The following SLCO2A1 variants were observed in gnomAD, a reference collection of about 807,000 sequenced individuals.
SLCO2A1 encodes the protein matrin F/G 1.
A neutral mutation model predicts 71.7 loss-of-function variants in SLCO2A1; 60 were observed. The ratio of observed to expected loss-of-function variants is 0.84; its 90% CI spans 0.68 to 1.04. The LOEUF is 1.04. SLCO2A1 is among the 50% of genes least tolerant of loss of function. The probability of loss-of-function intolerance (pLI) is 0.00; values close to 1 mark genes in which losing one functional copy is unlikely to be tolerated. For missense variants in SLCO2A1, 745 were observed against 813.4 expected (o/e 0.92, Z 1.02); for synonymous variants, 308 against 326.7 (o/e 0.94, Z 0.62).
chr3:133,979,160 CCA>C (rs1934526296), intron 2 of SLCO2A1, among the ~76,000 whole-genome samples: 1 of 152,234 alleles, frequency 6.6e-6, no homozygotes, highest in Non-Finnish European at 1.5e-5. Context: ...CTGGAGCAAG[CCA>C]CTTGTACTCC....
At position 133,948,640 on chromosome 3, in the gene SLCO2A1, G is replaced by A. The variant is rs780232518; in HGVS notation, c.1001C>T (p.Ala334Val). The A allele has an allele frequency of 1.2e-5, 19 of 1,614,150 alleles. No homozygotes were observed. In the South Asian group the frequency reaches 1.8e-4, roughly 15 times the overall value. ...MNSLFVLVVL[A>V]QCTFSSVIAG... is the part of the protein sequence containing the mutation. ...AATGACGGAGGAGAAGGTGCACTGG[G>A]CCAGGACCACCAGGACGAAGAGTGA... Residue 334 changes from alanine (A) to valine (V), a missense_variant, in exon 8 of 14, where the codon GCC (alanine) becomes GTC (valine). Physicochemically the swap from Ala to Val is moderately conservative, Grantham distance 64. Coordinates refer to ENST00000310926, the MANE Select transcript of SLCO2A1 (RefSeq NM_005630.3).
intron 3 of SLCO2A1, among the ~76,000 whole-genome samples, chr3:133,966,460 G>C (rs947952653): frequency 6.6e-6 from 1 of 152,146 alleles, no homozygotes; most frequent in Non-Finnish European, 1.5e-5. Flanking sequence ...GGAGTCCCCT[G>C]CTCACACCTC....
intron 1 of SLCO2A1, among the ~76,000 whole-genome samples, chr3:134,014,923 T>G (rs1935415534): frequency 6.6e-6 from 1 of 152,124 alleles, no homozygotes; most frequent in Non-Finnish European, 1.5e-5. Flanking sequence ...GAAAATCAAC[T>G]TCAAGGGAAA....
chr3:133,953,889 T>C, intron 4 of SLCO2A1, 128 bp from the exon 5 acceptor site: 1 of 695,886 alleles, frequency 1.4e-6, no homozygotes, highest in South Asian at 1.7e-5. Flanking sequence ...AGCCCACACC[T>C]GTGGCATCTC....
chr3:133,949,061 C>A, intron 6 of SLCO2A1, 90 bp from the exon 7 acceptor site: 1 of 1,173,722 alleles, frequency 8.5e-7, no homozygotes, highest in Non-Finnish European at 1.3e-6. Context: ...CTCAGAAGCT[C>A]AGGGCTGGGT....
At chr3:134,015,125 C>T (rs954849150) in intron 1 of SLCO2A1, among the ~76,000 whole-genome samples, 12 of 152,140 alleles carry the variant, frequency 7.9e-5, no homozygotes, top group Non-Finnish European at 1.0e-4. Flanking sequence ...TAAAACCAAG[C>T]TTTTATCCAA....
chr3:133,980,798 A>C (rs1934570965), intron 1 of SLCO2A1, among the ~76,000 whole-genome samples: 1 of 152,228 alleles, frequency 6.6e-6, no homozygotes, highest in Admixed American at 6.5e-5. Context: ...GACAGAGCCC[A>C]GAACTCACTG....
At chr3:134,001,075 C>A (rs553325655) in intron 1 of SLCO2A1, among the ~76,000 whole-genome samples, 1 of 152,054 alleles carries the variant, frequency 6.6e-6, no homozygotes, top group East Asian at 1.9e-4. Context: ...GGATCTGGAG[C>A]CCCATGGGGG....
intron 1 of SLCO2A1, among the ~76,000 whole-genome samples, chr3:134,011,201 C>T (rs997305356): frequency 6.6e-6 from 1 of 152,154 alleles, no homozygotes; most frequent in African/African-American, 2.4e-5. Context: ...CAGGTGTGCA[C>T]CACCATGCCC....
intron 1 of SLCO2A1, among the ~76,000 whole-genome samples, chr3:133,994,923 C>G (rs1934931719): frequency 6.6e-6 from 1 of 152,194 alleles, no homozygotes; most frequent in Non-Finnish European, 1.5e-5. Context: ...ACTATCATGA[C>G]TTCCTACCCG....
At chr3:133,983,925 A>G (rs79601188) in intron 1 of SLCO2A1, among the ~76,000 whole-genome samples, 3,208 of 152,310 alleles carry the variant, frequency 0.021, 38 homozygotes, top group Non-Finnish European at 0.035. Context: ...TCAACGTGAA[A>G]GAAGAGACGG....
intron 1 of SLCO2A1, among the ~76,000 whole-genome samples, chr3:134,027,219 A>G (rs1446196308): frequency 6.6e-6 from 1 of 152,202 alleles, no homozygotes; most frequent in African/African-American, 2.4e-5. Context: ...TCTTATGCCC[A>G]ATTTCTGCCT....
intron 8 of SLCO2A1, 149 bp from the exon 9 acceptor site, chr3:133,947,594 A>G (rs1933619679): frequency 4.5e-6 from 3 of 670,334 alleles, no homozygotes; most frequent in Non-Finnish European, 4.9e-6. Context: ...GCTGACATTA[A>G]TTGAGCATTT....
intron 9 of SLCO2A1, among the ~76,000 whole-genome samples, chr3:133,946,752 C>G (rs1462886451): frequency 6.6e-6 from 1 of 152,152 alleles, no homozygotes; most frequent in Non-Finnish European, 1.5e-5. Flanking sequence ...CAGTAAGAGC[C>G]TTTGATCTCT....
intron 1 of SLCO2A1, among the ~76,000 whole-genome samples, 179 bp downstream of exon 1, chr3:134,029,526 TCA>T (rs145400837): frequency 0.056 from 8,364 of 148,758 alleles, 360 homozygotes; most frequent in East Asian, 0.19. Context: ...ACACACACGC[TCA>T]CACACACACT....
At chr3:134,027,905 A>G (rs1011040461) in intron 1 of SLCO2A1, among the ~76,000 whole-genome samples, 3 of 152,182 alleles carry the variant, frequency 2.0e-5, no homozygotes, top group Non-Finnish European at 2.9e-5. Context: ...TGGTCTTGCA[A>G]TTAGTATGGA....
intron 1 of SLCO2A1, among the ~76,000 whole-genome samples, chr3:133,986,995 A>G (rs1934728861): frequency 2.0e-5 from 3 of 152,206 alleles, no homozygotes; most frequent in Admixed American, 2.0e-4. Flanking sequence ...TGTGATCCCC[A>G]TAGGGTTATT....
intron 1 of SLCO2A1, among the ~76,000 whole-genome samples, chr3:134,003,797 G>A (rs1935148988): frequency 1.3e-5 from 2 of 152,206 alleles, no homozygotes; most frequent in African/African-American, 2.4e-5. Context: ...AAGGGAGTTT[G>A]CAGATGTAAT....
intron 1 of SLCO2A1, among the ~76,000 whole-genome samples, chr3:134,029,492 G>A (rs547313019): frequency 0.011 from 1,033 of 91,100 alleles, 9 homozygotes; most frequent in African/African-American, 0.051. Flanking sequence ...ACACACACTC[G>A]CACGCACACA....
Sources: gnomAD v4.1 joint callset for allele counts (sites outside exome capture counted in the v4.1 genomes callset) on GRCh38, gnomAD v4.1.1 for gene constraint, MANE v1.5 for transcripts, NCBI Gene and HGNC (gene_info 2026-07-23, HGNC 2026-07-21) for gene names.